The following FBXO11 variants were observed in gnomAD, a reference collection of about 807,000 sequenced individuals.
The protein encoded by FBXO11 is F-box protein 11.
A neutral mutation model predicts 117.0 loss-of-function variants in FBXO11; 13 were observed. That is an observed-to-expected ratio of 0.11 (90% CI 0.07 to 0.18). FBXO11 has a LOEUF of 0.18. FBXO11 is among the 10% of genes least tolerant of loss of function. The pLI is 1.00. For missense variants in FBXO11, 767 were observed against 1,164.4 expected (o/e 0.66, Z 4.97); for synonymous variants, 490 against 380.5 (o/e 1.29, Z -3.35).
chr2:47,898,003 A>G (rs1266498254), intron 1 of FBXO11, among the ~76,000 whole-genome samples: 1 of 152,174 alleles, frequency 6.6e-6, no homozygotes, highest in African/African-American at 2.4e-5. Context: ...AGGTTTAGTC[A>G]CCACATGGAA....
At chr2:47,894,102 G>A (rs1677471523) in intron 1 of FBXO11, among the ~76,000 whole-genome samples, 1 of 152,146 alleles carries the variant, frequency 6.6e-6, no homozygotes, top group Non-Finnish European at 1.5e-5. Context: ...GGGGATACTT[G>A]TATCATGAGG....
At chr2:47,823,974 G>A (rs1198153526) in intron 11 of FBXO11, among the ~76,000 whole-genome samples, 2 of 151,862 alleles carry the variant, frequency 1.3e-5, no homozygotes, top group African/African-American at 4.8e-5. Flanking sequence ...TAGGACCATA[G>A]AAAGGCACAC....
intron 1 of FBXO11, chr2:47,905,278 C>T: frequency 3.1e-6 from 1 of 324,526 alleles, no homozygotes; most frequent in East Asian, 7.0e-5. Context: ...TGAGCGAGAG[C>T]CCAGGCGAGA....
Position 47,818,743 on chromosome 2 carries a change from C to G in FBXO11, c.2006+36G>C, listed in dbSNP as rs750076078. On this transcript the variant is annotated intron_variant, in intron 16 of 22. Coordinates refer to ENST00000403359, the MANE Select transcript of FBXO11 (RefSeq NM_001190274.2). ...TTACACACCCCACATACTCCTAACT[C>G]CCTCCCAAAAGATAGCCAAATATGA... The G allele has an allele frequency of 3.4e-6, 5 of 1,479,564 alleles. No individual in the cohort carries two copies. In the South Asian group the frequency reaches 3.8e-5, roughly 11 times the overall value. The allele number at this position is 1,479,564 out of a possible 1,614,324, so 91.7% of individuals were successfully genotyped here. A position where few individuals can be genotyped will look rare whatever the true frequency, so the allele number is the denominator to read the frequency against.
At chr2:47,864,734 TACTC>T (rs1193939114) in intron 1 of FBXO11, among the ~76,000 whole-genome samples, 16 of 152,164 alleles carry the variant, frequency 1.1e-4, no homozygotes, top group Admixed American at 6.5e-4. Context: ...ATCACTAACT[TACTC>T]ACTAGGGCAA....
chr2:47,876,607 A>T (rs1676023567), intron 1 of FBXO11, among the ~76,000 whole-genome samples: 1 of 152,226 alleles, frequency 6.6e-6, no homozygotes, highest in Non-Finnish European at 1.5e-5. Context: ...GTTCTGGTAA[A>T]TACGTTGTTA....
chr2:47,897,105 T>C (rs959310086), intron 1 of FBXO11, among the ~76,000 whole-genome samples: 6 of 152,210 alleles, frequency 3.9e-5, no homozygotes, highest in Non-Finnish European at 5.9e-5. Flanking sequence ...TCCATCTCAA[T>C]ATATAACAAG....
At chr2:47,813,016 T>A in intron 18 of FBXO11, 1 of 554,020 alleles carries the variant, frequency 1.8e-6, no homozygotes, top group South Asian at 2.1e-5. Context: ...AAAGGCTTAC[T>A]GACAACTGCA....
chr2:47,896,142 G>C (rs1351194392), intron 1 of FBXO11, among the ~76,000 whole-genome samples: 1 of 152,000 alleles, frequency 6.6e-6, no homozygotes, highest in African/African-American at 2.4e-5. Flanking sequence ...TTAGTCTTTT[G>C]AGTATTTTCT....
At chr2:47,832,745 G>A in intron 9 of FBXO11, 24 bp downstream of exon 9, 1 of 1,607,440 alleles carries the variant, frequency 6.2e-7, no homozygotes, top group African/African-American at 1.3e-5. Context: ...AAATTTTATT[G>A]TAAAATATAA....
intron 16 of FBXO11, among the ~76,000 whole-genome samples, chr2:47,818,050 G>C (rs1458050852): frequency 2.0e-5 from 3 of 152,206 alleles, no homozygotes; most frequent in Non-Finnish European, 2.9e-5. Context: ...GGGAGGCTGA[G>C]GTTGCGGTGA....
chr2:47,905,297 C>T, intron 1 of FBXO11, 192 bp downstream of exon 1: 1 of 424,732 alleles, frequency 2.4e-6, no homozygotes, highest in Non-Finnish European at 3.5e-6. Context: ...GAAGGGAAGC[C>T]GCGGCTTTTC....
intron 1 of FBXO11, among the ~76,000 whole-genome samples, chr2:47,877,528 T>G (rs1437998806): frequency 6.6e-6 from 1 of 152,170 alleles, no homozygotes. Flanking sequence ...TTAGGTTTAG[T>G]TTTTCTTCTG....
intron 1 of FBXO11, among the ~76,000 whole-genome samples, chr2:47,901,097 ATATATATG>A (rs1468793778): frequency 2.8e-5 from 3 of 107,332 alleles, no homozygotes; most frequent in Admixed American, 8.7e-5. Flanking sequence ...ATATATATAC[ATATATATG>A]TATATATGTA....
chr2:47,881,155 C>T (rs1206368220), intron 1 of FBXO11, among the ~76,000 whole-genome samples: 3 of 151,766 alleles, frequency 2.0e-5, no homozygotes, highest in South Asian at 2.1e-4. Flanking sequence ...GGGAGGCTGA[C>T]GCAGTAGAAT....
intron 18 of FBXO11, chr2:47,812,801 A>T (rs950906380): frequency 4.4e-6 from 1 of 225,378 alleles, no homozygotes; most frequent in African/African-American, 2.4e-5. Flanking sequence ...AACCAGGCAC[A>T]TCTTGGCTTC....
At position 47,807,969 on chromosome 2, in the gene FBXO11, C is replaced by T. The variant is rs895176161; in HGVS notation, c.*149G>A. The T allele has an allele frequency of 1.3e-5, 9 of 705,654 alleles. No homozygotes were observed. Among genetic ancestry groups the T allele is most frequent in the Admixed American group, 7.9e-5 (3 of 38,152 alleles). 43.7% of individuals were successfully genotyped at this position (705,654 alleles called of 1,614,324 possible). The stretch of plus-strand genomic sequence containing the variant: ...TATATTGCCACTTTCTTTTTGGTAG[C>T]TTGAGCTTCATAGTGTCAACTGACC... On this transcript the variant is annotated 3_prime_UTR_variant, in exon 23 of 23. Transcript: ENST00000403359.
chr2:47,809,505 GGA>G, intron 20 of FBXO11, 93 bp downstream of exon 20: 1 of 901,868 alleles, frequency 1.1e-6, no homozygotes, highest in East Asian at 2.5e-5. Flanking sequence ...TTGCTAACTT[GGA>G]GAGTGACATA....
At chr2:47,848,134 A>C (rs1322442757) in intron 1 of FBXO11, among the ~76,000 whole-genome samples, 2 of 146,484 alleles carry the variant, frequency 1.4e-5, no homozygotes, top group African/African-American at 2.5e-5. Context: ...AAAAAAACAA[A>C]CAAACAAACA....
Sources: gnomAD v4.1 joint callset for allele counts (sites outside exome capture counted in the v4.1 genomes callset) on GRCh38, gnomAD v4.1.1 for gene constraint, MANE v1.5 for transcripts, NCBI Gene and HGNC (gene_info 2026-07-23, HGNC 2026-07-21) for gene names.